NCAM2: variants seen among roughly 807,000 people sequenced by gnomAD.
NCAM2 encodes the protein neural cell adhesion molecule 2, also known as N-CAM-2.
In NCAM2, 30 loss-of-function variants were observed where a neutral mutation model predicts 98.1. The observed-to-expected ratio is 0.31, with a 90% confidence interval of 0.23 to 0.41. The LOEUF (loss-of-function observed/expected upper bound fraction) is 0.41, where lower values mean the gene tolerates loss of function less well. Ranked by LOEUF, NCAM2 falls within the 10% of genes least tolerant of loss-of-function variation. The pLI is 1.00. For synonymous variants in NCAM2, 368 were observed against 342.4 expected (o/e 1.07, Z -0.83); for missense variants, 867 against 1,005.8 (o/e 0.86, Z 1.87).
intron 1 of NCAM2, among the ~76,000 whole-genome samples, chr21:21,174,849 T>C (rs973846664): frequency 1.3e-5 from 2 of 151,984 alleles, no homozygotes; most frequent in African/African-American, 4.8e-5. Context: ...AGAGGATATG[T>C]TTTGAGCTGA....
intron 1 of NCAM2, among the ~76,000 whole-genome samples, chr21:21,028,975 G>A (rs1425583615): frequency 6.6e-6 from 1 of 152,096 alleles, no homozygotes; most frequent in African/African-American, 2.4e-5. Flanking sequence ...ATTCAGCATG[G>A]AAAACTGTTA....
At chr21:21,051,010 A>G (rs8134360) in intron 1 of NCAM2, among the ~76,000 whole-genome samples, 9,078 of 152,246 alleles carry the variant, frequency 0.06, 280 homozygotes, top group East Asian at 0.096. Context: ...TCTGGACCCA[A>G]TGCCACTTGG....
chr21:21,008,105 A>T (rs1283129612), intron 1 of NCAM2, among the ~76,000 whole-genome samples: 1 of 152,192 alleles, frequency 6.6e-6, no homozygotes, highest in African/African-American at 2.4e-5. Context: ...TTATGTGAAG[A>T]TTAATATATA....
intron 1 of NCAM2, among the ~76,000 whole-genome samples, chr21:21,261,750 C>A (rs995229762): frequency 1.3e-5 from 2 of 151,942 alleles, no homozygotes; most frequent in African/African-American, 2.4e-5. Context: ...ATGCCTACAT[C>A]AAAATGATAG....
At chr21:21,418,776 C>G (rs942742486) in intron 11 of NCAM2, among the ~76,000 whole-genome samples, 22 of 152,150 alleles carry the variant, frequency 1.4e-4, no homozygotes, top group South Asian at 2.1e-4. Context: ...CATAAAACTA[C>G]AGTTGATTAC....
At chr21:21,509,097 CCA>C (rs1311245224) in intron 16 of NCAM2, 42 bp downstream of exon 16, 1 of 1,602,152 alleles carries the variant, frequency 6.2e-7, no homozygotes, top group Non-Finnish European at 8.5e-7. Context: ...TAAACAAGCG[CCA>C]CAGTCAAGCT....
chr21:21,437,055 A>G (rs945686306), intron 12 of NCAM2, among the ~76,000 whole-genome samples: 5 of 152,024 alleles, frequency 3.3e-5, no homozygotes, highest in Non-Finnish European at 7.4e-5. Context: ...GATTACAGGC[A>G]TAAACCACCA....
intron 9 of NCAM2, among the ~76,000 whole-genome samples, chr21:21,382,641 G>A (rs1286657397): frequency 2.0e-5 from 3 of 151,348 alleles, no homozygotes; most frequent in Non-Finnish European, 2.9e-5. Flanking sequence ...CCAACCTTCT[G>A]AGTAGCTGGG....
intron 12 of NCAM2, among the ~76,000 whole-genome samples, chr21:21,433,177 A>C (rs1311780061): frequency 2.0e-5 from 3 of 152,194 alleles, no homozygotes; most frequent in Admixed American, 1.3e-4. Flanking sequence ...TTTTGATAGA[A>C]GTATCAGAAA....
chr21:21,103,195 C>T (rs571154239), intron 1 of NCAM2, among the ~76,000 whole-genome samples: 2 of 151,298 alleles, frequency 1.3e-5, no homozygotes, highest in Non-Finnish European at 2.9e-5. Context: ...TTCCTGCAAT[C>T]TCACCTTATT....
chr21:21,457,833 G>T (rs1020927672), intron 12 of NCAM2, among the ~76,000 whole-genome samples: 4 of 152,132 alleles, frequency 2.6e-5, no homozygotes, highest in African/African-American at 9.7e-5. Flanking sequence ...TTTAAAGATA[G>T]AATTATTAAT....
At chr21:21,475,788 A>G (rs140595466) in intron 14 of NCAM2, among the ~76,000 whole-genome samples, 3 of 152,224 alleles carry the variant, frequency 2.0e-5, no homozygotes, top group Non-Finnish European at 2.9e-5. Flanking sequence ...GGGTTCTAAT[A>G]TCTTCATTTT....
At chr21:21,304,388 A>C (rs2073818373) in intron 5 of NCAM2, among the ~76,000 whole-genome samples, 1 of 151,906 alleles carries the variant, frequency 6.6e-6, no homozygotes, top group African/African-American at 2.4e-5. Flanking sequence ...ACCGTACTTT[A>C]GCAACAGAAT....
intron 6 of NCAM2, 32 bp downstream of exon 6, chr21:21,324,532 T>G: frequency 7.0e-7 from 1 of 1,430,260 alleles, no homozygotes; most frequent in Non-Finnish European, 9.8e-7. Flanking sequence ...CTCTGGCTTG[T>G]GTCCATTATC....
chr21:21,520,058 G>A (rs556421227), intron 16 of NCAM2, among the ~76,000 whole-genome samples: 1 of 151,926 alleles, frequency 6.6e-6, no homozygotes, highest in East Asian at 1.9e-4. Flanking sequence ...ATTCTCAAGG[G>A]TTTTTCTTAT....
At chr21:21,159,049 A>T (rs2067699951) in intron 1 of NCAM2, among the ~76,000 whole-genome samples, 1 of 152,098 alleles carries the variant, frequency 6.6e-6, no homozygotes, top group Non-Finnish European at 1.5e-5. Context: ...GATATTGATG[A>T]TCCTCTCAGT....
rs532179673 is a variant in NCAM2, at chr21:21,468,822, T to C, written c.1896+39T>C. On this transcript the variant is annotated intron_variant, in intron 14 of 17. Coordinates refer to ENST00000400546, the MANE Select transcript of NCAM2 (RefSeq NM_004540.5). ...TTATTGTCATATCATGCTAGGTTTT[T>C]TCAAATTAAATTGAGTTGCACTGAA... 1.3e-5 allele frequency: 20 copies of C among 1,566,478 alleles called. No individual in the cohort carries two copies. The African/African-American group carries it at 2.3e-4, about 18-fold the overall frequency.
intron 9 of NCAM2, among the ~76,000 whole-genome samples, chr21:21,396,597 G>T (rs761947079): frequency 9.9e-5 from 15 of 151,624 alleles, no homozygotes; most frequent in Non-Finnish European, 1.9e-4. Context: ...GTGGTGAGGG[G>T]TGTATCAGTG....
At chr21:21,493,253 T>C (rs573779858) in intron 15 of NCAM2, among the ~76,000 whole-genome samples, 1 of 152,078 alleles carries the variant, frequency 6.6e-6, no homozygotes, top group East Asian at 1.9e-4. Context: ...TCACTTAATA[T>C]GTGGAGTTTT....
Sources: gnomAD v4.1 joint callset for allele counts (sites outside exome capture counted in the v4.1 genomes callset) on GRCh38, gnomAD v4.1.1 for gene constraint, MANE v1.5 for transcripts, NCBI Gene and HGNC (gene_info 2026-07-23, HGNC 2026-07-21) for gene names.